PLS1: variants seen among roughly 807,000 people sequenced by gnomAD.
PLS1 encodes plastin-1.
PLS1 carries 32 observed loss-of-function variants against 73.7 expected under a neutral mutation model. That is an observed-to-expected ratio of 0.43 (90% CI 0.33 to 0.58). PLS1 has a LOEUF of 0.58. Among genes scored for constraint, PLS1 ranks in the 20% least tolerant of loss-of-function variants. PLS1 has a pLI of 0.04. For missense variants in PLS1, 633 were observed against 740.5 expected (o/e 0.85, Z 1.68); for synonymous variants, 217 against 261.3 (o/e 0.83, Z 1.63).
chr3:142,655,453 G>C (rs995537047), intron 1 of PLS1, among the ~76,000 whole-genome samples: 2 of 152,144 alleles, frequency 1.3e-5, no homozygotes, highest in Non-Finnish European at 2.9e-5. Flanking sequence ...GGGCACCGTG[G>C]CTCATGCCTG....
intron 1 of PLS1, among the ~76,000 whole-genome samples, chr3:142,630,938 A>ACACACACACAC (rs2036543842): frequency 2.5e-4 from 35 of 137,362 alleles, no homozygotes; most frequent in Admixed American, 1.5e-3. Flanking sequence ...CATGTAAATA[A>ACACACACACAC]ACACACACAC....
At chr3:142,697,158 C>A (rs761674123) in intron 11 of PLS1, among the ~76,000 whole-genome samples, 1 of 152,150 alleles carries the variant, frequency 6.6e-6, no homozygotes, top group African/African-American at 2.4e-5. Flanking sequence ...AACAGCCATA[C>A]GTTAACCTTC....
At chr3:142,615,034 G>A (rs2036190300) in intron 1 of PLS1, among the ~76,000 whole-genome samples, 1 of 152,062 alleles carries the variant, frequency 6.6e-6, no homozygotes, top group Admixed American at 6.6e-5. Flanking sequence ...GGTAGGGTGG[G>A]CAGAACACGG....
chr3:142,632,239 A>G (rs1400904887), intron 1 of PLS1, among the ~76,000 whole-genome samples: 1 of 152,146 alleles, frequency 6.6e-6, no homozygotes, highest in Non-Finnish European at 1.5e-5. Flanking sequence ...GTTATATACA[A>G]ATAACCCCAT....
intron 1 of PLS1, among the ~76,000 whole-genome samples, chr3:142,639,191 C>G (rs543760690): frequency 6.6e-6 from 1 of 152,134 alleles, no homozygotes; most frequent in Non-Finnish European, 1.5e-5. Context: ...TCAGAAACTT[C>G]GTCGTATCAT....
rs545684502 is a variant in PLS1 at position 142,705,611 on chromosome 3, G to T, written c.1629+1025G>T. Among the ~76,000 whole-genome samples the T allele has an allele frequency of 8.5e-5, 13 of 152,184 alleles. 1 individual carries two copies. Among genetic ancestry groups the T allele is most frequent in the African/African-American group, 2.4e-4 (10 of 41,526 alleles). On this transcript the variant is annotated intron_variant, in intron 14 of 15. Coordinates refer to ENST00000457734, the MANE Select transcript of PLS1 (RefSeq NM_001145319.2). ...GTGAAAAACTAGCAATAAATTTGTG[G>T]TTTTTTTACTGAAATAAAGTACAAA... is the stretch of plus-strand genomic sequence containing the variant.
intron 1 of PLS1, among the ~76,000 whole-genome samples, chr3:142,626,494 C>A (rs143526211): frequency 6.6e-6 from 1 of 152,016 alleles, no homozygotes; most frequent in Non-Finnish European, 1.5e-5. Context: ...TAAAATAAGA[C>A]GATTTTTTAA....
At position 142,627,469 on chromosome 3, in the gene PLS1, A is replaced by G. The variant is rs528157733; in HGVS notation, c.-37+30960A>G. Among the ~76,000 whole-genome samples, 18 of 152,332 alleles carry G rather than the reference A, an allele frequency of 1.2e-4. No homozygotes were observed. In the East Asian group the frequency reaches 3.5e-3, roughly 29 times the overall value. On this transcript the variant is annotated intron_variant, in intron 1 of 15. Coordinates refer to ENST00000457734, the MANE Select transcript of PLS1 (RefSeq NM_001145319.2). Reference sequence around the variant, plus strand: ...CTTTCTTACTCTTCAAGGCCCATCCAGTTTAAACTCTACCCTCTCAGGAAA... The same window carrying G: ...CTTTCTTACTCTTCAAGGCCCATCCGGTTTAAACTCTACCCTCTCAGGAAA...
At chr3:142,656,001 A>AC (rs1328231051) in intron 1 of PLS1, among the ~76,000 whole-genome samples, 1 of 151,968 alleles carries the variant, frequency 6.6e-6, no homozygotes, top group Admixed American at 6.6e-5. Flanking sequence ...TCACTCCGTC[A>AC]CCCAGGCTGG....
intron 1 of PLS1, among the ~76,000 whole-genome samples, chr3:142,661,985 C>T (rs1417119918): frequency 6.6e-6 from 1 of 152,086 alleles, no homozygotes; most frequent in Non-Finnish European, 1.5e-5. Context: ...ATTAGTTCAA[C>T]CGTTGTGGAA....
chr3:142,680,017 T>C (rs968803202), intron 6 of PLS1, among the ~76,000 whole-genome samples: 1 of 152,160 alleles, frequency 6.6e-6, no homozygotes, highest in African/African-American at 2.4e-5. Context: ...TTCCTAGGTA[T>C]TTTATTCTCT....
chr3:142,710,490 A>T (rs1933067963), intron 14 of PLS1, among the ~76,000 whole-genome samples: 1 of 152,148 alleles, frequency 6.6e-6, no homozygotes, highest in Non-Finnish European at 1.5e-5. Context: ...GATACACTGT[A>T]TACCTGTTTA....
chr3:142,688,239 C>G (rs2038013162), intron 9 of PLS1, among the ~76,000 whole-genome samples: 1 of 152,156 alleles, frequency 6.6e-6, no homozygotes, highest in African/African-American at 2.4e-5. Context: ...TGAGCCACCA[C>G]GTCCAGCCAC....
At position 142,703,869 on chromosome 3, in the gene PLS1, T is replaced by C. The variant is rs2038389458; in HGVS notation, c.1373T>C (p.Ile458Thr). Residue 458 changes from isoleucine (I) to threonine (T), a missense_variant and splice_region_variant, in exon 13 of 16, where the codon ATT becomes ACT. Coordinates refer to ENST00000457734, the MANE Select transcript of PLS1 (RefSeq NM_001145319.2). Reference sequence around the variant, plus strand: ...ACCCAAACTTTTACTTATTTATAGATTGAAAACTGTAACTATGCAGTGGAA... The same window carrying C: ...ACCCAAACTTTTACTTATTTATAGACTGAAAACTGTAACTATGCAGTGGAA... ...YPALGGNMKK[I>T]ENCNYAVELG... 6.2e-7 allele frequency: 1 copy of C among 1,605,156 alleles called. No individual in the cohort carries two copies. Among genetic ancestry groups the C allele is most frequent in the South Asian group, 1.1e-5 (1 of 90,792 alleles).
At chr3:142,599,140 G>T (rs1342114283) in intron 1 of PLS1, among the ~76,000 whole-genome samples, 1 of 151,226 alleles carries the variant, frequency 6.6e-6, no homozygotes, top group Non-Finnish European at 1.5e-5. Flanking sequence ...ACATTGCTTT[G>T]CAGTATCAGA....
At chr3:142,684,218 T>TG in intron 7 of PLS1, 35 bp from the exon 8 acceptor site, 1 of 1,613,906 alleles carries the variant, frequency 6.2e-7, no homozygotes, top group Non-Finnish European at 8.5e-7. Context: ...GTACTTGCTA[T>TG]GGGAAGAATT....
intron 1 of PLS1, among the ~76,000 whole-genome samples, chr3:142,642,051 G>T (rs1193357143): frequency 2.0e-5 from 3 of 151,768 alleles, no homozygotes; most frequent in Non-Finnish European, 4.4e-5. Context: ...GGTTTCTTTT[G>T]CTTGCTCTAG....
intron 9 of PLS1, among the ~76,000 whole-genome samples, chr3:142,687,481 A>G (rs578160910): frequency 1.3e-5 from 2 of 152,364 alleles, no homozygotes; most frequent in South Asian, 2.1e-4. Context: ...ACATTATTAT[A>G]ATGACATATT....
intron 1 of PLS1, among the ~76,000 whole-genome samples, chr3:142,604,470 A>G (rs1173905197): frequency 6.6e-6 from 1 of 152,090 alleles, no homozygotes; most frequent in Non-Finnish European, 1.5e-5. Flanking sequence ...TGACCTAGTT[A>G]TTGGAATTTT....
Sources: gnomAD v4.1 joint callset for allele counts (sites outside exome capture counted in the v4.1 genomes callset) on GRCh38, gnomAD v4.1.1 for gene constraint, MANE v1.5 for transcripts, NCBI Gene and HGNC (gene_info 2026-07-23, HGNC 2026-07-21) for gene names.